JPH1: variants seen among roughly 807,000 people sequenced by gnomAD.
JPH1 encodes junctophilin-1.
In JPH1, 12 loss-of-function variants were observed where a neutral mutation model predicts 53.6. That is an observed-to-expected ratio of 0.22 (90% CI 0.14 to 0.36). The LOEUF is 0.36. Among genes scored for constraint, JPH1 ranks in the 10% least tolerant of loss-of-function variants. JPH1 has a pLI of 1.00. For synonymous variants in JPH1, 375 were observed against 363.8 expected (o/e 1.03, Z -0.35); for missense variants, 808 against 905.5 (o/e 0.89, Z 1.38).
At chr8:74,297,712 G>A (rs1807560841) in intron 2 of JPH1, among the ~76,000 whole-genome samples, 1 of 152,124 alleles carries the variant, frequency 6.6e-6, no homozygotes, top group Admixed American at 6.5e-5. Flanking sequence ...AATAAAAACT[G>A]GAAAATGCCT....
chr8:74,302,263 A>G (rs1240213481), intron 2 of JPH1, among the ~76,000 whole-genome samples: 1 of 152,228 alleles, frequency 6.6e-6, no homozygotes, highest in Non-Finnish European at 1.5e-5. Flanking sequence ...GAAACCTAGC[A>G]GCATCTACAT....
chr8:74,306,668 T>C (rs1242531589), intron 2 of JPH1, among the ~76,000 whole-genome samples: 1 of 151,982 alleles, frequency 6.6e-6, no homozygotes, highest in African/African-American at 2.4e-5. Flanking sequence ...GCATGATCTC[T>C]GCTCACTGCA....
At chr8:74,264,630 C>T (rs529592188) in intron 2 of JPH1, among the ~76,000 whole-genome samples, 7 of 152,260 alleles carry the variant, frequency 4.6e-5, no homozygotes, top group Non-Finnish European at 1.0e-4. Flanking sequence ...ATGATATAGG[C>T]TTTGAAAGTA....
chr8:74,309,356 T>C (rs548619550), intron 2 of JPH1, among the ~76,000 whole-genome samples: 1 of 152,314 alleles, frequency 6.6e-6, no homozygotes, highest in East Asian at 1.9e-4. Context: ...TATAACAAAG[T>C]CAATACAAGC....
chr8:74,313,119 G>T (rs928733674), intron 2 of JPH1, among the ~76,000 whole-genome samples: 1 of 152,158 alleles, frequency 6.6e-6, no homozygotes, highest in Non-Finnish European at 1.5e-5. Context: ...GTTCTGCACA[G>T]GTTCATTTTT....
At chr8:74,310,702 T>G (rs1807968629) in intron 2 of JPH1, among the ~76,000 whole-genome samples, 1 of 152,196 alleles carries the variant, frequency 6.6e-6, no homozygotes, top group African/African-American at 2.4e-5. Context: ...CATGAATCTT[T>G]GGGCCAAAGA....
chr8:74,292,790 T>A (rs76979198), intron 2 of JPH1, among the ~76,000 whole-genome samples: 13,924 of 152,238 alleles, frequency 0.091, 790 homozygotes, highest in East Asian at 0.18. Context: ...GAAATGTAGA[T>A]GTGTAGGTGG....
At chr8:74,241,922 C>T (rs895424006) in intron 4 of JPH1, among the ~76,000 whole-genome samples, 8 of 152,144 alleles carry the variant, frequency 5.3e-5, no homozygotes, top group African/African-American at 1.2e-4. Context: ...GATGGTAAGA[C>T]GCTAAAGATG....
At chr8:74,290,127 G>C (rs963585832) in intron 2 of JPH1, among the ~76,000 whole-genome samples, 2 of 152,178 alleles carry the variant, frequency 1.3e-5, no homozygotes, top group African/African-American at 4.8e-5. Flanking sequence ...CTATTCAACA[G>C]AGTGTTGGAA....
chr8:74,260,391 G>C (rs887440600), intron 2 of JPH1, among the ~76,000 whole-genome samples: 2 of 152,156 alleles, frequency 1.3e-5, no homozygotes, highest in African/African-American at 2.4e-5. Flanking sequence ...GCCCCAGAGA[G>C]GGTTGGAGGG....
chr8:74,321,073 A>T lies in JPH1; in HGVS notation c.215T>A (p.Leu72Gln), dbSNP rs776076151. The T allele has an allele frequency of 6.2e-7, 1 of 1,613,054 alleles. No individual in the cohort carries two copies. The part of the protein sequence containing the change: ...GYWAQGKRHG[L>Q]GVETKGKWMY... ...CCACTTGCCCTTCGTCTCCACCCCC[A>T]GCCCGTGCCGCTTGCCCTGCGCCCA... Residue 72 changes from leucine (L) to glutamine (Q), a missense_variant, in exon 1 of 6, where the codon CTG (leucine) becomes CAG (glutamine). Coordinates refer to ENST00000342232, the MANE Select transcript of JPH1 (RefSeq NM_020647.4). This position sits in a 1 kb window ranked among gnomAD's most constrained non-coding sequence, Gnocchi z 4.3.
At chr8:74,251,765 C>A (rs190387393) in intron 3 of JPH1, among the ~76,000 whole-genome samples, 1 of 152,140 alleles carries the variant, frequency 6.6e-6, no homozygotes, top group Admixed American at 6.5e-5. Context: ...AAAATAGATT[C>A]AATGCCATCC....
intron 2 of JPH1, among the ~76,000 whole-genome samples, chr8:74,295,042 G>A (rs1200545968): frequency 6.6e-6 from 1 of 152,210 alleles, no homozygotes; most frequent in Non-Finnish European, 1.5e-5. Flanking sequence ...ACCTACATAA[G>A]TTTGAATGAC....
intron 2 of JPH1, among the ~76,000 whole-genome samples, chr8:74,313,425 T>C (rs1349228764): frequency 6.6e-6 from 1 of 151,994 alleles, no homozygotes; most frequent in Non-Finnish European, 1.5e-5. Flanking sequence ...AGCTTTGAAA[T>C]GAAATTAGTT....
intron 2 of JPH1, among the ~76,000 whole-genome samples, chr8:74,266,045 G>C (rs1470915165): frequency 6.6e-6 from 1 of 151,510 alleles, no homozygotes; most frequent in African/African-American, 2.4e-5. Flanking sequence ...TGCAGCTACT[G>C]TTAAAACAGT....
chr8:74,246,427 T>G (rs1182137639), intron 3 of JPH1, among the ~76,000 whole-genome samples: 2 of 152,210 alleles, frequency 1.3e-5, no homozygotes, highest in Non-Finnish European at 2.9e-5. Context: ...AACTACATAC[T>G]GCACACTTAC....
intron 3 of JPH1, among the ~76,000 whole-genome samples, chr8:74,246,839 A>G (rs1466983212): frequency 3.3e-5 from 5 of 152,194 alleles, no homozygotes; most frequent in African/African-American, 1.2e-4. Flanking sequence ...TCCTTTCTAA[A>G]CTGGGTAAGC....
chr8:74,289,098 C>A (rs191873324), intron 2 of JPH1, among the ~76,000 whole-genome samples: 30 of 152,298 alleles, frequency 2.0e-4, no homozygotes, highest in Admixed American at 3.9e-4. Context: ...TCCAAGGAAA[C>A]ACATCTGTAC....
chr8:74,279,537 G>A (rs1806948390), intron 2 of JPH1, among the ~76,000 whole-genome samples: 2 of 152,132 alleles, frequency 1.3e-5, no homozygotes, highest in Non-Finnish European at 2.9e-5. Flanking sequence ...TCTGCATAGG[G>A]GCTTAAGAGA....
Sources: gnomAD v4.1 joint callset for allele counts (sites outside exome capture counted in the v4.1 genomes callset) on GRCh38, gnomAD v4.1.1 for gene constraint, Gnocchi (gnomAD v3.1) non-coding constraint, MANE v1.5 for transcripts, NCBI Gene and HGNC (gene_info 2026-07-23, HGNC 2026-07-21) for gene names.